SCOC: variants seen among roughly 807,000 people sequenced by gnomAD.
SCOC encodes short coiled-coil protein, also known as short coiled coil protein.
SCOC carries 7 observed loss-of-function variants against 9.9 expected under a neutral mutation model. The ratio of observed to expected loss-of-function variants is 0.71; its 90% CI spans 0.40 to 1.33. SCOC has a LOEUF of 1.33. SCOC is among the 40% of genes most tolerant of loss of function. SCOC has a pLI of 0.01. For synonymous variants in SCOC, 19 were observed against 28.2 expected, an observed-to-expected ratio of 0.67 and a Z score of 1.03; for missense variants, 66 against 89.7, an observed-to-expected ratio of 0.74 and a Z score of 1.07.
intron 1 of SCOC, among the ~76,000 whole-genome samples, chr4:140,337,861 C>T (rs895920297): frequency 5.9e-5 from 9 of 152,104 alleles, no homozygotes; most frequent in Admixed American, 3.3e-4. Flanking sequence ...CTGAATTCTA[C>T]CAGAGGTACA....
chr4:140,326,110 A>C (rs1252472461), intron 1 of SCOC, among the ~76,000 whole-genome samples: 1 of 152,230 alleles, frequency 6.6e-6, no homozygotes, highest in Admixed American at 6.5e-5. Context: ...TTTTTATGAC[A>C]TCGTGTAAAA....
intron 1 of SCOC, among the ~76,000 whole-genome samples, chr4:140,309,986 T>A (rs966903183): frequency 1.3e-4 from 20 of 152,158 alleles, no homozygotes; most frequent in Admixed American, 5.2e-4. Flanking sequence ...CCCATGTAGA[T>A]CAAGTAAACC....
chr4:140,277,713 AC>A (rs1236040078), intron 1 of SCOC, among the ~76,000 whole-genome samples: 4 of 152,254 alleles, frequency 2.6e-5, no homozygotes, highest in Non-Finnish European at 5.9e-5. Context: ...AACAAAAAAA[AC>A]AATAGGGGCA....
chr4:140,309,682 A>G (rs1463277357), intron 1 of SCOC, among the ~76,000 whole-genome samples: 2 of 152,242 alleles, frequency 1.3e-5, no homozygotes, highest in East Asian at 3.8e-4. Context: ...ATGCAAGAGA[A>G]AAACAAATAC....
chr4:140,286,923 A>T (rs1351694596), intron 1 of SCOC, among the ~76,000 whole-genome samples: 1 of 152,118 alleles, frequency 6.6e-6, no homozygotes, highest in East Asian at 1.9e-4. Flanking sequence ...GGGCTCCCTG[A>T]CTACCCAGCT....
chr4:140,309,555 T>C (rs1208462599), intron 1 of SCOC, among the ~76,000 whole-genome samples: 2 of 152,140 alleles, frequency 1.3e-5, no homozygotes, highest in Non-Finnish European at 2.9e-5. Context: ...ACTTTATACT[T>C]TGTGGACAAG....
At chr4:140,269,793 C>T (rs998549764) in intron 1 of SCOC, among the ~76,000 whole-genome samples, 4 of 152,090 alleles carry the variant, frequency 2.6e-5, no homozygotes, top group African/African-American at 9.7e-5. Context: ...CTCTGTCACC[C>T]AGGCTGGAGT....
At chr4:140,277,515 T>G (rs1251047549) in intron 1 of SCOC, among the ~76,000 whole-genome samples, 1 of 152,226 alleles carries the variant, frequency 6.6e-6, no homozygotes, top group African/African-American at 2.4e-5. Flanking sequence ...TCTTGTGGGA[T>G]GTATAGTCAA....
intron 1 of SCOC, among the ~76,000 whole-genome samples, chr4:140,277,294 C>G (rs904783375): frequency 1.4e-4 from 22 of 152,084 alleles, no homozygotes; most frequent in African/African-American, 4.6e-4. Flanking sequence ...GCTGCAGACC[C>G]CCCTCCCCAC....
intron 2 of SCOC, 109 bp downstream of exon 2, chr4:140,379,301 CTAAT>C: frequency 1.2e-6 from 1 of 816,884 alleles, no homozygotes; most frequent in East Asian, 2.4e-5. Context: ...TTGATCTTGG[CTAAT>C]TACTTATTTA....
At chr4:140,291,773 G>C (rs1195866351) in intron 1 of SCOC, among the ~76,000 whole-genome samples, 2 of 152,016 alleles carry the variant, frequency 1.3e-5, no homozygotes, top group Admixed American at 6.5e-5. Context: ...CTATTGGGGG[G>C]GCTGTGATAA....
chr4:140,328,029 C>T (rs948953178), intron 1 of SCOC, among the ~76,000 whole-genome samples: 1 of 152,214 alleles, frequency 6.6e-6, no homozygotes, highest in Non-Finnish European at 1.5e-5. Context: ...CACTCACCAG[C>T]CACGTAGTCC....
intron 1 of SCOC, among the ~76,000 whole-genome samples, chr4:140,262,126 G>C (rs1730645047): frequency 6.6e-6 from 1 of 152,156 alleles, no homozygotes; most frequent in Admixed American, 6.5e-5. Context: ...CCTTTTCTTG[G>C]GTGATGGGCT....
chr4:140,285,846 A>G (rs533786656), intron 1 of SCOC, among the ~76,000 whole-genome samples: 1 of 152,208 alleles, frequency 6.6e-6, no homozygotes, highest in African/African-American at 2.4e-5. Context: ...ATATCCTCCA[A>G]TCTCCCAGAC....
At chr4:140,264,770 C>T (rs1159196941) in intron 1 of SCOC, among the ~76,000 whole-genome samples, 1 of 152,184 alleles carries the variant, frequency 6.6e-6, no homozygotes, top group Non-Finnish European at 1.5e-5. Flanking sequence ...TAAAAAATTT[C>T]ATGAGTTCTT....
At chr4:140,362,274 C>CTTCTTCTTCTTCTTCTTTCTTCTTTTCT (rs1560720569) in intron 2 of SCOC, among the ~76,000 whole-genome samples, 1 of 9,474 alleles carries the variant, frequency 1.1e-4, no homozygotes, top group Admixed American at 9.7e-4. Context: ...CAGGTGTGTC[C>CTTCTTCTTCTTCTTCTTTCTTCTTTTCT]TTACTTCTTC....
chr4:140,369,223 G>T, upstream of SCOC: 2 of 409,064 alleles, frequency 4.9e-6, no homozygotes, highest in Non-Finnish European at 4.8e-6. Flanking sequence ...ATGGTATACT[G>T]TTGAGTATAG....
At chr4:140,362,289 T>TCTC (rs1727563625) in intron 2 of SCOC, among the ~76,000 whole-genome samples, 2 of 18,710 alleles carry the variant, frequency 1.1e-4, no homozygotes. Context: ...TTCTTCTTCT[T>TCTC]CTTCTTCTTC....
chr4:140,299,680 GTCTTTT>G lies in SCOC; in HGVS notation c.-19+42272_-19+42277del, dbSNP rs142376667. ...CCCCATTAGAATTGTAACGTCGTTT[GTCTTTT>G]TATTATTTATGAGACTTTATTTCTA... On this transcript the variant is annotated intron_variant, in intron 1 of 4. Coordinates refer to the SCOC transcript ENST00000394205. Among the ~76,000 whole-genome samples, 372 of 152,258 alleles carry G rather than the reference GTCTTTT, an allele frequency of 2.4e-3. 2 individuals are homozygous for G. The highest frequency in any genetic ancestry group is 8.4e-3 in the African/African-American group (349 of 41,554).
Sources: allele counts gnomAD v4.1 joint callset (sites outside exome capture counted in the v4.1 genomes callset), GRCh38; gene constraint gnomAD v4.1.1; transcripts MANE v1.5; gene names NCBI Gene and HGNC (gene_info 2026-07-23, HGNC 2026-07-21).